SH3RF1: variants seen among roughly 807,000 people sequenced by gnomAD.
The protein encoded by SH3RF1 is E3 ubiquitin-protein ligase SH3RF1.
SH3RF1 carries 32 observed loss-of-function variants against 74.0 expected under a neutral mutation model. The ratio of observed to expected loss-of-function variants is 0.43; its 90% CI spans 0.33 to 0.58. SH3RF1 has a LOEUF of 0.58. Among genes scored for constraint, SH3RF1 ranks in the 20% least tolerant of loss-of-function variants. The pLI is 0.05. For missense variants in SH3RF1, 954 were observed against 1,130.9 expected, an observed-to-expected ratio of 0.84 and a Z score of 2.24; for synonymous variants, 396 against 439.6, an observed-to-expected ratio of 0.90 and a Z score of 1.24.
intron 1 of SH3RF1, chr4:169,269,777 C>T (rs538712131): frequency 1.3e-5 from 2 of 152,264 alleles, no homozygotes; most frequent in Non-Finnish European, 2.9e-5. Flanking sequence ...CTCATGTAAT[C>T]GCTCGTGGTA....
intron 2 of SH3RF1, among the ~76,000 whole-genome samples, chr4:169,242,339 A>G (rs1403615103): frequency 1.3e-5 from 2 of 152,212 alleles, no homozygotes; most frequent in African/African-American, 2.4e-5. Flanking sequence ...AATTTTTCCT[A>G]TCAAGCAATG....
rs568943231 is a variant in SH3RF1, at chr4:169,155,635, A to G, written c.670-60T>C. On this transcript the variant is annotated intron_variant, in intron 3 of 11. Transcript: ENST00000284637. ...ATTAAGCTGTACCATTAAGCTTGTCATTTAATTTTCCTTTTCAATAAAGAG... is the reference window on the plus strand; with the variant it reads ...ATTAAGCTGTACCATTAAGCTTGTCGTTTAATTTTCCTTTTCAATAAAGAG... 9.1e-5 allele frequency: 117 copies of G among 1,279,800 alleles called. No individual in the cohort carries two copies. In the African/African-American group the frequency reaches 1.6e-3, roughly 17 times the overall value. The allele number at this position is 1,279,800 out of a possible 1,614,324, so 79.3% of individuals were successfully genotyped here.
intron 2 of SH3RF1, among the ~76,000 whole-genome samples, chr4:169,175,717 A>G (rs915778882): frequency 1.3e-5 from 2 of 152,136 alleles, no homozygotes; most frequent in Non-Finnish European, 2.9e-5. Flanking sequence ...CTAGACCATA[A>G]GCTCTAAAAA....
At chr4:169,211,880 GC>G (rs1730379780) in intron 2 of SH3RF1, among the ~76,000 whole-genome samples, 1 of 152,082 alleles carries the variant, frequency 6.6e-6, no homozygotes, top group South Asian at 2.1e-4. Flanking sequence ...TGGAGAGGGG[GC>G]TTTTCAATGT....
intron 2 of SH3RF1, among the ~76,000 whole-genome samples, chr4:169,171,100 T>C (rs941776021): frequency 6.6e-6 from 1 of 152,258 alleles, no homozygotes; most frequent in Middle Eastern, 3.2e-3. Context: ...GTAAACAAAC[T>C]GTAACCTACT....
chr4:169,208,101 C>T (rs754185499), intron 2 of SH3RF1, among the ~76,000 whole-genome samples: 4 of 151,752 alleles, frequency 2.6e-5, no homozygotes, highest in Non-Finnish European at 5.9e-5. Context: ...TAAAAGCATA[C>T]GTGGAAACGT....
At chr4:169,265,626 A>T (rs1012593951) in intron 2 of SH3RF1, among the ~76,000 whole-genome samples, 8 of 152,096 alleles carry the variant, frequency 5.3e-5, no homozygotes, top group African/African-American at 1.9e-4. Context: ...GGCACGTGCC[A>T]CCACACCCGG....
rs184960913 is a variant in SH3RF1 at position 169,194,798 on chromosome 4, A to C, written c.394-38119T>G. Among the ~76,000 whole-genome samples, 2 of 152,188 alleles carry C rather than the reference A, an allele frequency of 1.3e-5. 1 individual carries two copies. The highest frequency in any genetic ancestry group is 2.9e-5 in the Non-Finnish European group (2 of 68,028). ...TCTCCCAAAGTGATTGTATCAATGC[A>C]TGTTCCCTACCAGCTGCATGATCCT... On this transcript the variant is annotated intron_variant, in intron 2 of 11. Coordinates refer to ENST00000284637, the MANE Select transcript of SH3RF1 (RefSeq NM_020870.4).
At chr4:169,100,952 T>G (rs182916428) in intron 11 of SH3RF1, among the ~76,000 whole-genome samples, 34 of 152,224 alleles carry the variant, frequency 2.2e-4, no homozygotes, top group Middle Eastern at 3.4e-3. Context: ...ACCCTATCAC[T>G]CTCTCAAAGC....
Position 169,256,154 on chromosome 4 carries a change from T to G in SH3RF1, c.393+12666A>C, listed in dbSNP as rs2110752564. ...TCTTAGGAGTCTAAGTCTTTAGTAA[T>G]ATGCTAAAGAAATAACTAAATTGAA... On this transcript the variant is annotated intron_variant, in intron 2 of 11. Coordinates refer to ENST00000284637, the MANE Select transcript of SH3RF1 (RefSeq NM_020870.4). 2.0e-5 allele frequency among the ~76,000 whole-genome samples: 3 copies of G among 152,218 alleles called. No individual in the cohort carries two copies. The South Asian group carries it at 6.2e-4, about 32-fold the overall frequency.
intron 2 of SH3RF1, among the ~76,000 whole-genome samples, chr4:169,196,333 T>A (rs1013655421): frequency 6.6e-6 from 1 of 152,166 alleles, no homozygotes; most frequent in Non-Finnish European, 1.5e-5. Flanking sequence ...CTTATCAACA[T>A]TACAATGAAA....
At chr4:169,263,182 C>T (rs898374950) in intron 2 of SH3RF1, among the ~76,000 whole-genome samples, 3 of 152,152 alleles carry the variant, frequency 2.0e-5, no homozygotes, top group Non-Finnish European at 4.4e-5. Flanking sequence ...GAACCTTACA[C>T]GCCAGGGGAG....
intron 10 of SH3RF1, among the ~76,000 whole-genome samples, chr4:169,108,627 C>G (rs1733188230): frequency 6.6e-6 from 1 of 152,214 alleles, no homozygotes; most frequent in Non-Finnish European, 1.5e-5. Context: ...CCCTGCAACT[C>G]TCCCGGGTAG....
At chr4:169,242,741 T>C (rs1730933592) in intron 2 of SH3RF1, among the ~76,000 whole-genome samples, 1 of 152,200 alleles carries the variant, frequency 6.6e-6, no homozygotes, top group African/African-American at 2.4e-5. Flanking sequence ...AAAAGCGCGT[T>C]TGGCCCCCAT....
chr4:169,113,416 T>G (rs1360221530), intron 10 of SH3RF1, among the ~76,000 whole-genome samples: 1 of 152,164 alleles, frequency 6.6e-6, no homozygotes, highest in East Asian at 1.9e-4. Context: ...GGCCCCAATT[T>G]TCAAACACAT....
intron 2 of SH3RF1, among the ~76,000 whole-genome samples, chr4:169,255,622 T>TACACACACACAC (rs56229906): frequency 0.04 from 4,958 of 124,530 alleles, 162 homozygotes; most frequent in East Asian, 0.066. Context: ...CATACACACA[T>TACACACACACAC]ACACACACAC....
At chr4:169,122,366 A>G in intron 6 of SH3RF1, 100 bp from the exon 7 acceptor site, 1 of 1,344,328 alleles carries the variant, frequency 7.4e-7, no homozygotes, top group Non-Finnish European at 1.0e-6. Context: ...TTATAAATCC[A>G]TAGAACAAGA....
intron 2 of SH3RF1, among the ~76,000 whole-genome samples, chr4:169,262,566 C>T (rs56990454): frequency 0.011 from 1,634 of 152,162 alleles, 30 homozygotes; most frequent in African/African-American, 0.038. Context: ...ACTTGGGAGG[C>T]TGAGGTGGGA....
At chr4:169,176,175 A>T (rs1396515969) in intron 2 of SH3RF1, among the ~76,000 whole-genome samples, 1 of 151,938 alleles carries the variant, frequency 6.6e-6, no homozygotes, top group Non-Finnish European at 1.5e-5. Context: ...TGTTGTTTAT[A>T]CTCCCCAGTC....
Sources: gnomAD v4.1 joint callset for allele counts (sites outside exome capture counted in the v4.1 genomes callset) on GRCh38, gnomAD v4.1.1 for gene constraint, MANE v1.5 for transcripts, NCBI Gene and HGNC (gene_info 2026-07-23, HGNC 2026-07-21) for gene names.